FYN: variants seen among roughly 807,000 people sequenced by gnomAD.
FYN encodes the protein FYN proto-oncogene, Src family tyrosine kinase, also known as tyrosine-protein kinase Fyn.
FYN carries 10 observed loss-of-function variants against 70.2 expected under a neutral mutation model. That is an observed-to-expected ratio of 0.14 (90% CI 0.09 to 0.24). The LOEUF (loss-of-function observed/expected upper bound fraction) is 0.24. Ranked by LOEUF, FYN falls within the 10% of genes least tolerant of loss-of-function variation. The pLI, the probability that FYN is intolerant of heterozygous loss-of-function variation, is 1.00. For missense variants in FYN, 319 were observed against 673.1 expected (o/e 0.47, Z 5.82); for synonymous variants, 236 against 248.6 (o/e 0.95, Z 0.48).
intron 3 of FYN, among the ~76,000 whole-genome samples, chr6:111,773,476 C>CGAGAGGGAGAGG (rs772251918): frequency 2.2e-5 from 1 of 44,488 alleles, no homozygotes; most frequent in Non-Finnish European, 4.0e-5. Flanking sequence ...AAAGGGAAAA[C>CGAGAGGGAGAGG]GAGAGGGAGA....
intron 3 of FYN, among the ~76,000 whole-genome samples, chr6:111,744,774 T>C (rs1387184624): frequency 6.6e-6 from 1 of 152,218 alleles, no homozygotes; most frequent in East Asian, 1.9e-4. Flanking sequence ...CAAAGGTATT[T>C]AGAAAATTTT....
chr6:111,700,362 A>AGGAGCACT, intron 8 of FYN, 94 bp from the exon 9 acceptor site: 1 of 1,286,082 alleles, frequency 7.8e-7, no homozygotes, highest in Non-Finnish European at 1.1e-6. Flanking sequence ...AGCGGCGCAC[A>AGGAGCACT]GTGCTCCTCA....
chr6:111,772,154 CT>C (rs1445662192), intron 3 of FYN, among the ~76,000 whole-genome samples: 7 of 152,032 alleles, frequency 4.6e-5, no homozygotes, highest in African/African-American at 1.7e-4. Flanking sequence ...GTAGTAAATG[CT>C]TTGCTAAAGT....
chr6:111,751,309 T>A (rs1256655301), intron 3 of FYN, among the ~76,000 whole-genome samples: 2 of 152,158 alleles, frequency 1.3e-5, no homozygotes, highest in Admixed American at 1.3e-4. Flanking sequence ...CTGGCTCAGG[T>A]TGACAACATC....
At chr6:111,722,976 G>T (rs1801025699) in intron 3 of FYN, among the ~76,000 whole-genome samples, 1 of 152,152 alleles carries the variant, frequency 6.6e-6, no homozygotes, top group African/African-American at 2.4e-5. Flanking sequence ...GTAGAAGCAG[G>T]CAGTTTTAAA....
At chr6:111,837,156 A>G (rs923730708) in intron 2 of FYN, among the ~76,000 whole-genome samples, 11 of 152,198 alleles carry the variant, frequency 7.2e-5, no homozygotes, top group Non-Finnish European at 1.2e-4. Flanking sequence ...AGTGGGTTTT[A>G]TAAGTTACTT....
intron 2 of FYN, among the ~76,000 whole-genome samples, chr6:111,822,054 T>C (rs1041294481): frequency 2.0e-5 from 3 of 152,206 alleles, no homozygotes; most frequent in East Asian, 1.9e-4. Context: ...AGTTTAACCA[T>C]TGTGGAAGAC....
intron 2 of FYN, among the ~76,000 whole-genome samples, chr6:111,795,646 G>A (rs1771780217): frequency 6.6e-6 from 1 of 152,222 alleles, no homozygotes; most frequent in African/African-American, 2.4e-5. Flanking sequence ...ATGTTTGGTA[G>A]CAAAATCAGA....
intron 2 of FYN, among the ~76,000 whole-genome samples, chr6:111,820,273 A>T (rs566027402): frequency 6.6e-5 from 10 of 152,346 alleles, no homozygotes; most frequent in African/African-American, 1.9e-4. Flanking sequence ...TTCCCTTTAA[A>T]GATAAATGAT....
At chr6:111,763,101 A>C (rs1445585516) in intron 3 of FYN, among the ~76,000 whole-genome samples, 2 of 152,206 alleles carry the variant, frequency 1.3e-5, no homozygotes, top group African/African-American at 4.8e-5. Context: ...GTCAATCTGG[A>C]AATATTTAAA....
chr6:111,864,468 C>T (rs1774049054), intron 1 of FYN, among the ~76,000 whole-genome samples: 1 of 152,220 alleles, frequency 6.6e-6, no homozygotes, highest in South Asian at 2.1e-4. Context: ...TCCCTGACTT[C>T]CAAAGAGCTC....
chr6:111,706,823 A>G (rs1380640910), intron 6 of FYN, among the ~76,000 whole-genome samples: 1 of 152,248 alleles, frequency 6.6e-6, no homozygotes, highest in Non-Finnish European at 1.5e-5. Flanking sequence ...AAGAACACAA[A>G]GATGTTTGCA....
chr6:111,674,696 G>A, intron 12 of FYN, 66 bp from the exon 13 acceptor site: 1 of 1,540,432 alleles, frequency 6.5e-7, no homozygotes, highest in Non-Finnish European at 8.8e-7. Flanking sequence ...GGTGTGGGAG[G>A]GAAAGGCACT....
Position 111,681,032 on chromosome 6 carries a change from A to ATT in FYN, c.1274-6404_1274-6403dup, listed in dbSNP as rs11379613. Reference sequence around the variant, plus strand: ...CCTGGCTAATGTTTAATTTAATTTAATTTTTTTTTTTTTTTGAGACAGTCT... The same window carrying ATT: ...CCTGGCTAATGTTTAATTTAATTTAATTTTTTTTTTTTTTTTTGAGACAGTCT... On this transcript the variant is annotated intron_variant, in intron 12 of 13. Coordinates refer to ENST00000354650, the MANE Select transcript of FYN (RefSeq NM_002037.5). Among the ~76,000 whole-genome samples the ATT allele has an allele frequency of 7.8e-3, 1,108 of 141,414 alleles. 13 individuals are homozygous for ATT. The highest frequency in any genetic ancestry group is 0.012 in the South Asian group (52 of 4,378). The allele number at this position is 141,414 out of a possible 152,430, so 92.8% of individuals were successfully genotyped here.
At chr6:111,667,122 A>G (rs2128401568) in intron 13 of FYN, among the ~76,000 whole-genome samples, 1 of 152,204 alleles carries the variant, frequency 6.6e-6, no homozygotes, top group East Asian at 1.9e-4. Context: ...TAGGGTTGCC[A>G]ACAGTGTCTA....
At chr6:111,725,728 T>C (rs1342966813) in intron 3 of FYN, among the ~76,000 whole-genome samples, 2 of 152,186 alleles carry the variant, frequency 1.3e-5, no homozygotes, top group Non-Finnish European at 2.9e-5. Flanking sequence ...TGCTGCCAAC[T>C]GGAGGGAGTG....
intron 3 of FYN, among the ~76,000 whole-genome samples, chr6:111,751,759 T>C (rs1802499370): frequency 6.6e-6 from 1 of 152,126 alleles, no homozygotes; most frequent in African/African-American, 2.4e-5. Flanking sequence ...TACCTGGGAC[T>C]ACAGTTGTGC....
At chr6:111,692,101 T>TTC (rs796908031) in intron 12 of FYN, among the ~76,000 whole-genome samples, 2 of 136,920 alleles carry the variant, frequency 1.5e-5, no homozygotes, top group Admixed American at 7.4e-5. Flanking sequence ...AAGCTTCATT[T>TTC]CCCCCCCCCC....
chr6:111,699,913 CTTTTTTTTTTTTTTT>C (rs71021861), intron 9 of FYN, 176 bp downstream of exon 9: 6 of 185,800 alleles, frequency 3.2e-5, no homozygotes, highest in Non-Finnish European at 5.9e-5. Flanking sequence ...CACTTACTAT[CTTTTTTTTTTTTTTT>C]TTTTTTTTTT....
Sources: allele counts gnomAD v4.1 joint callset (sites outside exome capture counted in the v4.1 genomes callset), GRCh38; gene constraint gnomAD v4.1.1; transcripts MANE v1.5; gene names NCBI Gene and HGNC (gene_info 2026-07-23, HGNC 2026-07-21).